The following R3HDM1 variants were observed in gnomAD, a reference collection of about 807,000 sequenced individuals.
R3HDM1 encodes the protein R3H domain-containing protein 1.
Under a neutral mutation model 141.1 loss-of-function variants are expected in R3HDM1, and 46 were observed. The observed-to-expected ratio is 0.33, with a 90% confidence interval of 0.26 to 0.42. The LOEUF (loss-of-function observed/expected upper bound fraction) is 0.42, where lower values mean the gene tolerates loss of function less well. Ranked by LOEUF, R3HDM1 falls within the 10% of genes least tolerant of loss-of-function variation. The pLI is 1.00. For missense variants in R3HDM1, 1,184 were observed against 1,368.3 expected (o/e 0.87, Z 2.12); for synonymous variants, 435 against 472.9 (o/e 0.92, Z 1.04).
intron 11 of R3HDM1, among the ~76,000 whole-genome samples, chr2:135,636,790 TAA>T (rs150234601): frequency 8.7e-4 from 117 of 134,128 alleles, no homozygotes; most frequent in Admixed American, 9.0e-4. Context: ...TCCTCTGTGT[TAA>T]AAAAAAAAAA....
chr2:135,559,544 T>A (rs1319508987), intron 1 of R3HDM1, among the ~76,000 whole-genome samples: 8 of 152,232 alleles, frequency 5.3e-5, no homozygotes, highest in Admixed American at 5.2e-4. Flanking sequence ...TTTGTGCCTT[T>A]TAAAATATCA....
chr2:135,687,897 A>G (rs2071629607), intron 21 of R3HDM1, among the ~76,000 whole-genome samples: 1 of 152,264 alleles, frequency 6.6e-6, no homozygotes, highest in South Asian at 2.1e-4. Context: ...TTTCAGAGTT[A>G]CATAAAGAAA....
At chr2:135,678,012 C>T (rs892151013) in intron 20 of R3HDM1, among the ~76,000 whole-genome samples, 2 of 152,040 alleles carry the variant, frequency 1.3e-5, no homozygotes, top group African/African-American at 2.4e-5. Context: ...TCACCCAAGC[C>T]GGAGTGCAGT....
intron 26 of R3HDM1, 105 bp downstream of exon 26, chr2:135,722,658 A>ATTT (rs1447995731): frequency 8.8e-7 from 1 of 1,142,478 alleles, no homozygotes; most frequent in African/African-American, 1.6e-5. Context: ...ATCCTGCAAA[A>ATTT]AGTCATAATT....
chr2:135,719,889 A>G (rs2105465734), intron 24 of R3HDM1, among the ~76,000 whole-genome samples: 1 of 150,936 alleles, frequency 6.6e-6, no homozygotes, highest in Admixed American at 6.6e-5. Context: ...CCTGTTGCCC[A>G]GGCTGGAGTG....
intron 1 of R3HDM1, among the ~76,000 whole-genome samples, chr2:135,573,414 C>T (rs925679374): frequency 6.6e-6 from 1 of 152,164 alleles, no homozygotes; most frequent in Non-Finnish European, 1.5e-5. Flanking sequence ...CAGCTCCTGC[C>T]TGCCGCAAGA....
chr2:135,553,138 G>T (rs1285081427), intron 1 of R3HDM1, among the ~76,000 whole-genome samples: 1 of 152,076 alleles, frequency 6.6e-6, no homozygotes, highest in Non-Finnish European at 1.5e-5. Context: ...CCAAAGCACT[G>T]GGATTACAGG....
chr2:135,699,045 A>AGATAGGTAGATT (rs202144929), intron 21 of R3HDM1, among the ~76,000 whole-genome samples: 1 of 129,826 alleles, frequency 7.7e-6, no homozygotes, highest in Non-Finnish European at 1.6e-5. Context: ...ATAGATAGAT[A>AGATAGGTAGATT]AGATAGATAA....
intron 1 of R3HDM1, among the ~76,000 whole-genome samples, chr2:135,564,598 G>A (rs1280355158): frequency 6.6e-6 from 1 of 152,292 alleles, no homozygotes; most frequent in East Asian, 1.9e-4. Flanking sequence ...GAGATTACAG[G>A]CGTGAGCCAC....
intron 1 of R3HDM1, chr2:135,566,767 C>T (rs1702868863): frequency 1.0e-6 from 1 of 985,150 alleles, no homozygotes; most frequent in Non-Finnish European, 1.2e-6. Context: ...GTAAGCCCAG[C>T]GCGGTGGCTC....
chr2:135,630,318 A>G (rs1559291802), intron 7 of R3HDM1, among the ~76,000 whole-genome samples: 1 of 150,676 alleles, frequency 6.6e-6, no homozygotes. Flanking sequence ...ACAAAAAAAA[A>G]ACGAGATTCT....
chr2:135,709,368 A>C lies in R3HDM1; in HGVS notation c.2460-65A>C. On this transcript the variant is annotated intron_variant, in intron 21 of 26. Transcript: ENST00000683871. The stretch of plus-strand genomic sequence containing the variant: ...GATTACAGGCGTGAGCACCGCGCCC[A>C]GCCCATTCAAGAATGTTTATAGTCA... 4 of 1,598,868 alleles carry C rather than the reference A, an allele frequency of 2.5e-6. No individual in the cohort carries two copies. In the Admixed American group the frequency reaches 6.8e-5, roughly 27 times the overall value.
Position 135,656,286 on chromosome 2 carries a change from G to C in R3HDM1, c.2028+4254G>C, listed in dbSNP as rs544697800. 5.3e-5 allele frequency among the ~76,000 whole-genome samples: 8 copies of C among 151,990 alleles called. No individual in the cohort carries two copies. The South Asian group carries it at 1.0e-3, about 20-fold the overall frequency. ...TATATTTAAAGTGTCTTTCATTTATGGTTATTAGTTGGGTTCTGCCTCTTT... is the reference window on the plus strand; with the variant it reads ...TATATTTAAAGTGTCTTTCATTTATCGTTATTAGTTGGGTTCTGCCTCTTT... On this transcript the variant is annotated intron_variant, in intron 18 of 26. Transcript: ENST00000683871.
At chr2:135,563,994 C>T (rs1250888919) in intron 1 of R3HDM1, among the ~76,000 whole-genome samples, 2 of 152,008 alleles carry the variant, frequency 1.3e-5, no homozygotes, top group Non-Finnish European at 2.9e-5. Flanking sequence ...GGGGAGGCGC[C>T]GCATGAATCA....
chr2:135,617,281 C>A (rs919983187), intron 5 of R3HDM1, among the ~76,000 whole-genome samples: 1 of 151,858 alleles, frequency 6.6e-6, no homozygotes. Context: ...GAGCCCAGAT[C>A]GCACCACTGC....
chr2:135,583,925 A>G, intron 1 of R3HDM1: 3 of 985,450 alleles, frequency 3.0e-6, no homozygotes, highest in Non-Finnish European at 1.2e-6. Context: ...CCTTATAACC[A>G]CAGTTAAACC....
At chr2:135,556,976 ATTCTTCACTGATC>A (rs1349085136) in intron 1 of R3HDM1, among the ~76,000 whole-genome samples, 2 of 152,182 alleles carry the variant, frequency 1.3e-5, no homozygotes, top group African/African-American at 2.4e-5. Context: ...AACCCAAAGA[ATTCTTCACTGATC>A]TTGCTTATTT....
At chr2:135,665,263 G>T in intron 19 of R3HDM1, 1 of 337,670 alleles carries the variant, frequency 3.0e-6, no homozygotes, top group South Asian at 2.5e-5. Context: ...TCTGCAGGTA[G>T]TAATTATAGT....
At chr2:135,650,803 A>G in intron 17 of R3HDM1, 1 of 984,078 alleles carries the variant, frequency 1.0e-6, no homozygotes, top group African/African-American at 1.7e-5. Flanking sequence ...TGGAAAATCC[A>G]GCAGATCTAG....
Sources: allele counts gnomAD v4.1 joint callset (sites outside exome capture counted in the v4.1 genomes callset), GRCh38; gene constraint gnomAD v4.1.1; transcripts MANE v1.5; gene names NCBI Gene and HGNC (gene_info 2026-07-23, HGNC 2026-07-21).